The following LPCAT3 variants were observed in gnomAD, a reference collection of about 807,000 sequenced individuals.
LPCAT3 encodes lysophosphatidylcholine acyltransferase 3, also known as lysophospholipid acyltransferase 5.
Under a neutral mutation model 63.4 loss-of-function variants are expected in LPCAT3, and 21 were observed. The observed-to-expected ratio is 0.33, with a 90% confidence interval of 0.23 to 0.48. The LOEUF is 0.48. Ranked by LOEUF, LPCAT3 falls within the 20% of genes least tolerant of loss-of-function variation. The pLI, the probability that LPCAT3 is intolerant of heterozygous loss-of-function variation, is 0.99. For missense variants in LPCAT3, 451 were observed against 590.6 expected, an observed-to-expected ratio of 0.76 and a Z score of 2.45; for synonymous variants, 242 against 227.5, an observed-to-expected ratio of 1.06 and a Z score of -0.58.
chr12:6,979,687 T>G (rs1195322621), intron 6 of LPCAT3, 108 bp from the exon 7 acceptor site: 1 of 730,450 alleles, frequency 1.4e-6, no homozygotes, highest in Non-Finnish European at 2.4e-6. Flanking sequence ...GTTGTCTACC[T>G]GGAATGGGAT....
chr12:6,990,306 G>A (rs1207518080), intron 1 of LPCAT3, among the ~76,000 whole-genome samples: 2 of 151,088 alleles, frequency 1.3e-5, no homozygotes, highest in East Asian at 3.9e-4. Flanking sequence ...TCAGGAGATC[G>A]AGACCATCCT....
At chr12:7,009,693 G>A (rs1460852699) in intron 1 of LPCAT3, among the ~76,000 whole-genome samples, 1 of 152,198 alleles carries the variant, frequency 6.6e-6, no homozygotes, top group African/African-American at 2.4e-5. Context: ...GCATGGTTAA[G>A]TGTTTACATA....
intron 9 of LPCAT3, 104 bp downstream of exon 9, chr12:6,978,237 G>A: frequency 7.3e-7 from 1 of 1,368,122 alleles, no homozygotes; most frequent in Non-Finnish European, 1.0e-6. Flanking sequence ...GTTCTGCCCA[G>A]ATGGGAAAGA....
intron 1 of LPCAT3, among the ~76,000 whole-genome samples, chr12:7,004,653 G>C (rs1264545594): frequency 6.6e-6 from 1 of 152,038 alleles, no homozygotes; most frequent in Non-Finnish European, 1.5e-5. Context: ...ACATACCCAG[G>C]GTCATTCATG....
intron 1 of LPCAT3, among the ~76,000 whole-genome samples, chr12:6,995,330 C>T (rs1052328738): frequency 3.3e-5 from 5 of 151,876 alleles, no homozygotes; most frequent in Non-Finnish European, 7.4e-5. Context: ...AAAAATTAGC[C>T]GGGCGTGGTG....
intron 12 of LPCAT3, 33 bp from the exon 13 acceptor site, chr12:6,976,924 A>G: frequency 2.0e-6 from 1 of 512,158 alleles, no homozygotes; most frequent in Non-Finnish European, 3.6e-6. Context: ...AAGGCTGGTT[A>G]GTTACTCCTG....
chr12:7,009,087 T>A (rs1946745492), intron 1 of LPCAT3, among the ~76,000 whole-genome samples: 1 of 151,516 alleles, frequency 6.6e-6, no homozygotes, highest in Non-Finnish European at 1.5e-5. Context: ...ATGACCTTTC[T>A]TTTTTTTTCT....
At chr12:6,979,371 A>T in intron 7 of LPCAT3, 100 bp downstream of exon 7, 1 of 852,776 alleles carries the variant, frequency 1.2e-6, no homozygotes, top group Non-Finnish European at 1.9e-6. Context: ...ATGCACTTGT[A>T]GATGATATTT....
In LPCAT3 at chr12:6,976,802, C is replaced by T. The variant is rs187274398; in HGVS notation, c.*102G>A. ...ACAGCTGGAAGCATCGATCTTCCAC[C>T]TCCCTGGCTTTTCCATTCTCTGCTC... On this transcript the variant is annotated 3_prime_UTR_variant, in exon 13 of 13. Coordinates refer to ENST00000261407, the MANE Select transcript of LPCAT3 (RefSeq NM_005768.6). The T allele has an allele frequency of 7.5e-4, 144 of 191,214 alleles. No individual in the cohort carries two copies. The highest frequency in any genetic ancestry group is 3.1e-3 in the African/African-American group (134 of 42,826). 11.8% of individuals were successfully genotyped at this position (191,214 alleles called of 1,614,324 possible).
chr12:7,014,841 C>G (rs116740061), intron 1 of LPCAT3, among the ~76,000 whole-genome samples: 1 of 147,054 alleles, frequency 6.8e-6, no homozygotes, highest in Non-Finnish European at 1.5e-5. Flanking sequence ...TGCAATGAGC[C>G]GACATCGAGC....
At chr12:6,996,673 T>C (rs781983830) in intron 1 of LPCAT3, among the ~76,000 whole-genome samples, 1 of 152,322 alleles carries the variant, frequency 6.6e-6, no homozygotes, top group African/African-American at 2.4e-5. Context: ...GCATTAGGCA[T>C]TGGGGGAATA....
intron 6 of LPCAT3, among the ~76,000 whole-genome samples, chr12:6,980,188 T>C (rs1174591843): frequency 6.6e-6 from 1 of 151,976 alleles, no homozygotes; most frequent in Admixed American, 6.6e-5. Flanking sequence ...GCTGGGACTA[T>C]AGGCATGTAC....
chr12:6,993,271 C>G (rs1366013249), intron 1 of LPCAT3, among the ~76,000 whole-genome samples: 1 of 151,968 alleles, frequency 6.6e-6, no homozygotes, highest in Non-Finnish European at 1.5e-5. Context: ...AACCCTGTCT[C>G]TACTAACAAA....
chr12:6,982,328 T>G (rs1287012309), intron 3 of LPCAT3, among the ~76,000 whole-genome samples: 2 of 152,172 alleles, frequency 1.3e-5, no homozygotes, highest in African/African-American at 4.8e-5. Context: ...TGTGAGCCAC[T>G]TTGCCTGGCC....
intron 1 of LPCAT3, chr12:6,997,508 G>A (rs782500491): frequency 1.3e-5 from 2 of 153,882 alleles, no homozygotes; most frequent in African/African-American, 4.8e-5. Context: ...CTGCCTCCCA[G>A]GTTCAAGCGA....
chr12:6,984,761 T>C (rs908595797), intron 1 of LPCAT3, among the ~76,000 whole-genome samples: 6 of 151,876 alleles, frequency 4.0e-5, no homozygotes, highest in African/African-American at 9.7e-5. Flanking sequence ...TATTTTGTAA[T>C]TTTTGTGGAC....
chr12:7,001,701 T>A (rs1198092769), intron 1 of LPCAT3, among the ~76,000 whole-genome samples: 1 of 152,128 alleles, frequency 6.6e-6, no homozygotes, highest in African/African-American at 2.4e-5. Flanking sequence ...AGCAAGACTG[T>A]GAGTCTGGAC....
chr12:6,985,133 T>G (rs1184801841), intron 1 of LPCAT3, among the ~76,000 whole-genome samples: 1 of 146,260 alleles, frequency 6.8e-6, no homozygotes, highest in Non-Finnish European at 1.5e-5. Flanking sequence ...GGCTCATGCC[T>G]GTAATCCCAG....
chr12:6,980,593 G>A lies in LPCAT3; in HGVS notation c.677+411C>T, dbSNP rs141464685. 415 of 153,670 alleles carry A rather than the reference G, an allele frequency of 2.7e-3. 3 individuals are homozygous for A. Among genetic ancestry groups the A allele is most frequent in the African/African-American group, 9.0e-3 (374 of 41,556 alleles). 9.5% of individuals were successfully genotyped at this position (153,670 alleles called of 1,614,324 possible). On this transcript the variant is annotated intron_variant, in intron 6 of 12. Transcript: ENST00000261407. ...TGGTCTAGAACTCACGGGCTCAAGT[G>A]ATCCTCCCACCTCGGCCTCCCAAAG... is the stretch of plus-strand genomic sequence containing the variant.
Sources: allele counts gnomAD v4.1 joint callset (sites outside exome capture counted in the v4.1 genomes callset), GRCh38; gene constraint gnomAD v4.1.1; transcripts MANE v1.5; gene names NCBI Gene and HGNC (gene_info 2026-07-23, HGNC 2026-07-21).